IGF1R: variants seen among roughly 807,000 people sequenced by gnomAD.
The protein encoded by IGF1R is insulin like growth factor 1 receptor, also known as insulin-like growth factor 1 receptor.
IGF1R carries 44 observed loss-of-function variants against 144.6 expected under a neutral mutation model. The ratio of observed to expected loss-of-function variants is 0.30; its 90% CI spans 0.24 to 0.39. The LOEUF is 0.39. Ranked by LOEUF, IGF1R falls within the 10% of genes least tolerant of loss-of-function variation. The pLI, the probability that IGF1R is intolerant of heterozygous loss-of-function variation, is 1.00. For synonymous variants in IGF1R, 795 were observed against 722.8 expected, an observed-to-expected ratio of 1.10 and a Z score of -1.60; for missense variants, 1,355 against 1,833.7, an observed-to-expected ratio of 0.74 and a Z score of 4.77.
chr15:98,916,106 T>C lies in IGF1R; in HGVS notation c.1971T>C (p.Leu657=). The part of the protein sequence containing the change: ...RWQRQPQDGY[L]YRHNYCSKDK... ...AGCGGCAGCCTCAGGACGGCTACCT[T>C]TACCGGCACAATTACTGCTCCAAAG... is the stretch of plus-strand genomic sequence containing the variant. The change falls in exon 9 of 21, where the codon CTT becomes CTC. Residue 657 remains leucine (L), a synonymous_variant. Transcript: ENST00000650285. The C allele has an allele frequency of 6.2e-7, 1 of 1,614,172 alleles. No individual in the cohort carries two copies. Among genetic ancestry groups the C allele is most frequent in the Non-Finnish European group, 8.5e-7 (1 of 1,180,018 alleles).
chr15:98,780,153 TA>T lies in IGF1R; in HGVS notation c.640+72053del, dbSNP rs962641178. Among the ~76,000 whole-genome samples, 38 of 150,994 alleles carry T rather than the reference TA, an allele frequency of 2.5e-4. 1 individual carries two copies. The highest frequency in any genetic ancestry group is 7.3e-4 in the African/African-American group (30 of 41,200). On this transcript the variant is annotated intron_variant, in intron 2 of 20. Coordinates refer to ENST00000650285, the MANE Select transcript of IGF1R (RefSeq NM_000875.5). ...CATTTATTGAAAACTTAAAGTATAATAAAAAAATAAATAAAATAAAAAAAGA... is the reference window on the plus strand; with the variant it reads ...CATTTATTGAAAACTTAAAGTATAATAAAAAATAAATAAAATAAAAAAAGA...
rs2014212635 is a variant in IGF1R, at chr15:98,896,670, A to G, written c.954-87A>G. On this transcript the variant is annotated intron_variant, in intron 3 of 20. Transcript: ENST00000650285. ...TTTTCTAATGCATGCTGTAATAACA[A>G]TGAAAAGCATATCCTTATGGTTTTT... is the stretch of plus-strand genomic sequence containing the variant. The G allele has an allele frequency of 2.4e-5, 33 of 1,362,888 alleles. No homozygotes were observed. The South Asian group carries it at 3.9e-4, about 16-fold the overall frequency. 84.4% of individuals were successfully genotyped at this position (1,362,888 alleles called of 1,614,324 possible). A position where few individuals can be genotyped will look rare whatever the true frequency, so the allele number is the denominator to read the frequency against.
chr15:98,776,661 C>T (rs928765852), intron 2 of IGF1R, among the ~76,000 whole-genome samples: 2 of 152,176 alleles, frequency 1.3e-5, no homozygotes, highest in African/African-American at 4.8e-5. Flanking sequence ...CTGCCATTAC[C>T]AGACATTGGT....
chr15:98,720,948 C>G (rs1253434752), intron 2 of IGF1R, among the ~76,000 whole-genome samples: 1 of 152,152 alleles, frequency 6.6e-6, no homozygotes, highest in African/African-American at 2.4e-5. Flanking sequence ...TTCTATGATG[C>G]TGCTGAAATG....
chr15:98,837,395 C>T (rs1220507226), intron 2 of IGF1R, among the ~76,000 whole-genome samples: 1 of 152,174 alleles, frequency 6.6e-6, no homozygotes, highest in Admixed American at 6.5e-5. Context: ...GCAGGCACCA[C>T]CACACCCAGC....
chr15:98,791,646 G>A lies in IGF1R; in HGVS notation c.640+83539G>A, dbSNP rs114976524. ...GAAAGGCTGTATATTTTCTGATTCC[G>A]TTTAAAATTTTAAGTTGGTGAAAAT... On this transcript the variant is annotated intron_variant, in intron 2 of 20. Transcript: ENST00000650285. Among the ~76,000 whole-genome samples the A allele has an allele frequency of 3.6e-3, 551 of 152,280 alleles. 4 individuals are homozygous for A. Among genetic ancestry groups the A allele is most frequent in the African/African-American group, 0.012 (510 of 41,556 alleles).
chr15:98,657,086 A>G (rs1483076210), intron 1 of IGF1R, among the ~76,000 whole-genome samples: 3 of 152,238 alleles, frequency 2.0e-5, no homozygotes, highest in African/African-American at 4.8e-5. Flanking sequence ...TGTAAAAAAT[A>G]TAGTCGTGGT....
At chr15:98,952,194 C>T (rs761944608) in intron 20 of IGF1R, among the ~76,000 whole-genome samples, 1 of 152,050 alleles carries the variant, frequency 6.6e-6, no homozygotes, top group Non-Finnish European at 1.5e-5. Flanking sequence ...TCACCTTCTC[C>T]TTCAGGTTAC....
intron 2 of IGF1R, among the ~76,000 whole-genome samples, chr15:98,774,552 A>T (rs948317668): frequency 7.2e-5 from 11 of 152,222 alleles, no homozygotes; most frequent in African/African-American, 2.4e-4. Context: ...CAACAGCGTG[A>T]ATGAACCTTG....
chr15:98,845,511 TCCTCCTTCCTCCTCCC>T (rs995153256), intron 2 of IGF1R, among the ~76,000 whole-genome samples: 40 of 113,630 alleles, frequency 3.5e-4, no homozygotes, highest in Non-Finnish European at 5.0e-4. Context: ...TCCTCCCTCC[TCCTCCTTCCTCCTCCC>T]CCTCCTTCCT....
intron 2 of IGF1R, among the ~76,000 whole-genome samples, chr15:98,752,750 G>C (rs1345345438): frequency 1.3e-5 from 2 of 151,852 alleles, no homozygotes; most frequent in Admixed American, 6.6e-5. Context: ...GAATAATATG[G>C]CTCAAACTAA....
intron 2 of IGF1R, among the ~76,000 whole-genome samples, chr15:98,773,778 G>GTGC (rs2055647966): frequency 6.6e-6 from 1 of 152,176 alleles, no homozygotes; most frequent in Non-Finnish European, 1.5e-5. Context: ...CTGGGAAGCA[G>GTGC]TGCTCTCTCT....
At chr15:98,865,129 A>G (rs2012359160) in intron 2 of IGF1R, among the ~76,000 whole-genome samples, 1 of 152,188 alleles carries the variant, frequency 6.6e-6, no homozygotes, top group Admixed American at 6.5e-5. Context: ...CATGATTCTG[A>G]GTTAGTTTGT....
intron 2 of IGF1R, among the ~76,000 whole-genome samples, chr15:98,884,859 AG>A (rs1283558807): frequency 1.3e-5 from 2 of 152,044 alleles, no homozygotes; most frequent in Non-Finnish European, 2.9e-5. Context: ...TCCTCTTAAG[AG>A]TAGTCCAAAC....
intron 4 of IGF1R, among the ~76,000 whole-genome samples, chr15:98,898,113 G>A (rs1348208928): frequency 2.6e-5 from 4 of 152,118 alleles, no homozygotes; most frequent in Non-Finnish European, 5.9e-5. Flanking sequence ...CCAGCCCTCC[G>A]TGATGGAGAT....
chr15:98,843,416 G>C (rs2011211479), intron 2 of IGF1R, among the ~76,000 whole-genome samples: 1 of 152,164 alleles, frequency 6.6e-6, no homozygotes, highest in African/African-American at 2.4e-5. Flanking sequence ...CAATAAACAG[G>C]ACAGGGCCTT....
At chr15:98,894,601 A>T (rs1197369609) in intron 3 of IGF1R, among the ~76,000 whole-genome samples, 1 of 152,208 alleles carries the variant, frequency 6.6e-6, no homozygotes, top group Admixed American at 6.5e-5. Context: ...TTTATGCAAC[A>T]TCCTCAAAAT....
chr15:98,673,995 A>G (rs1355848039), intron 1 of IGF1R, among the ~76,000 whole-genome samples: 1 of 152,230 alleles, frequency 6.6e-6, no homozygotes, highest in Non-Finnish European at 1.5e-5. Context: ...AAGGACTTCG[A>G]CAAGTTTCAT....
intron 2 of IGF1R, among the ~76,000 whole-genome samples, chr15:98,881,543 G>A (rs1158897207): frequency 6.6e-6 from 1 of 152,174 alleles, no homozygotes; most frequent in African/African-American, 2.4e-5. Flanking sequence ...GGCTGGTCTT[G>A]AACTCTTGAC....
Sources: allele counts gnomAD v4.1 joint callset (sites outside exome capture counted in the v4.1 genomes callset), GRCh38; gene constraint gnomAD v4.1.1; transcripts MANE v1.5; gene names NCBI Gene and HGNC (gene_info 2026-07-23, HGNC 2026-07-21).